The following MCPH1 variants were observed in gnomAD, a reference collection of about 807,000 sequenced individuals.
MCPH1 encodes microcephalin 1, also known as microcephalin.
MCPH1 carries 104 observed loss-of-function variants against 84.5 expected under a neutral mutation model. The ratio of observed to expected loss-of-function variants is 1.23; its 90% CI spans 1.05 to 1.45. The LOEUF is 1.45. MCPH1 is among the 40% of genes most tolerant of loss of function. The pLI, the probability that MCPH1 is intolerant of heterozygous loss-of-function variation, is 0.00. For missense variants in MCPH1, 1,498 were observed against 1,005.7 expected (o/e 1.49, Z -6.62); for synonymous variants, 514 against 366.8 (o/e 1.40, Z -4.58).
intron 5 of MCPH1, among the ~76,000 whole-genome samples, chr8:6,437,938 A>G (rs1802919014): frequency 6.6e-6 from 1 of 152,100 alleles, no homozygotes; most frequent in Non-Finnish European, 1.5e-5. Flanking sequence ...TGCAGTCACA[A>G]TGGTGAAAAC....
chr8:6,627,164 G>T lies in MCPH1; in HGVS notation c.2452+5473G>T, dbSNP rs551890968. The T allele has an allele frequency of 7.1e-6, 7 of 985,396 alleles. No homozygotes were observed. The African/African-American group carries it at 1.2e-4, about 17-fold the overall frequency. 61.0% of individuals were successfully genotyped at this position (985,396 alleles called of 1,614,324 possible). A position where few individuals can be genotyped will look rare whatever the true frequency, so the allele number is the denominator to read the frequency against. Reference sequence around the variant, plus strand: ...TGACTGACTGACCAGAAAAATGCACGACGCTCCCATGGGGCCACTCGGGAG... The same window carrying T: ...TGACTGACTGACCAGAAAAATGCACTACGCTCCCATGGGGCCACTCGGGAG... On this transcript the variant is annotated intron_variant, in intron 13 of 13. Coordinates refer to ENST00000344683, the MANE Select transcript of MCPH1 (RefSeq NM_024596.5).
At chr8:6,560,961 A>T (rs541956941) in intron 12 of MCPH1, among the ~76,000 whole-genome samples, 2 of 152,346 alleles carry the variant, frequency 1.3e-5, no homozygotes, top group South Asian at 4.1e-4. Flanking sequence ...GCAGATTAGA[A>T]TATTTACTGC....
intron 12 of MCPH1, among the ~76,000 whole-genome samples, chr8:6,566,533 G>T (rs1182822658): frequency 6.6e-6 from 1 of 151,968 alleles, no homozygotes; most frequent in African/African-American, 2.4e-5. Flanking sequence ...ACCACCTGTG[G>T]TCGGCATGGC....
At chr8:6,582,578 TAGTA>T (rs1399635852) in intron 12 of MCPH1, among the ~76,000 whole-genome samples, 1 of 152,214 alleles carries the variant, frequency 6.6e-6, no homozygotes, top group African/African-American at 2.4e-5. Context: ...TTGTATTTAA[TAGTA>T]AGATAAACAC....
At chr8:6,483,637 A>C (rs1809499998) in intron 11 of MCPH1, among the ~76,000 whole-genome samples, 1 of 152,208 alleles carries the variant, frequency 6.6e-6, no homozygotes, top group Non-Finnish European at 1.5e-5. Flanking sequence ...CTTTGGGTGG[A>C]TCACCTGAGG....
rs767345803 is a variant in MCPH1, at chr8:6,444,373, T to C, written c.671-20T>C. On this transcript the variant is annotated intron_variant, in intron 7 of 13. Coordinates refer to ENST00000344683, the MANE Select transcript of MCPH1 (RefSeq NM_024596.5). Reference sequence around the variant, plus strand: ...ATTTAAACCACTTTTAAAAGTTAGCTCTCCGTTAATGTTTTCCAGATGAAT... The same window carrying C: ...ATTTAAACCACTTTTAAAAGTTAGCCCTCCGTTAATGTTTTCCAGATGAAT... 1.2e-6 allele frequency: 2 copies of C among 1,613,832 alleles called. No individual in the cohort carries two copies. The highest frequency in any genetic ancestry group is 2.2e-5 in the East Asian group (1 of 44,862).
chr8:6,465,343 C>T (rs1806747136), intron 9 of MCPH1, among the ~76,000 whole-genome samples: 1 of 152,218 alleles, frequency 6.6e-6, no homozygotes, highest in Non-Finnish European at 1.5e-5. Context: ...GCAGCGGCCA[C>T]TTCCCGCGGA....
At chr8:6,428,337 C>T (rs1040213490) in intron 3 of MCPH1, among the ~76,000 whole-genome samples, 1 of 152,066 alleles carries the variant, frequency 6.6e-6, no homozygotes, top group African/African-American at 2.4e-5. Context: ...TGTCGCTAGG[C>T]GATAGGAATT....
At chr8:6,565,965 T>C (rs935726718) in intron 12 of MCPH1, among the ~76,000 whole-genome samples, 3 of 152,204 alleles carry the variant, frequency 2.0e-5, no homozygotes, top group African/African-American at 2.4e-5. Context: ...GAAGCTCTAG[T>C]AGAGCCGGAG....
chr8:6,554,700 A>G (rs1824282035), intron 12 of MCPH1, among the ~76,000 whole-genome samples: 1 of 152,222 alleles, frequency 6.6e-6, no homozygotes, highest in Non-Finnish European at 1.5e-5. Flanking sequence ...AGTTGCTCAG[A>G]GGGAGAACCA....
intron 12 of MCPH1, among the ~76,000 whole-genome samples, chr8:6,524,839 G>T (rs1161219149): frequency 6.6e-6 from 1 of 152,192 alleles, no homozygotes; most frequent in African/African-American, 2.4e-5. Flanking sequence ...AAGAGAAAAT[G>T]GAGACCCTGA....
At chr8:6,624,537 T>G (rs1252503233) in intron 13 of MCPH1, among the ~76,000 whole-genome samples, 2 of 152,244 alleles carry the variant, frequency 1.3e-5, no homozygotes, top group African/African-American at 4.8e-5. Context: ...ATTTATTGGC[T>G]TGTATTTTTC....
At chr8:6,587,286 C>A (rs1405405557) in intron 12 of MCPH1, among the ~76,000 whole-genome samples, 1 of 152,196 alleles carries the variant, frequency 6.6e-6, no homozygotes, top group African/African-American at 2.4e-5. Flanking sequence ...TGTTGAATTC[C>A]AACTGGGTGT....
intron 12 of MCPH1, among the ~76,000 whole-genome samples, chr8:6,549,666 G>T (rs1823266986): frequency 6.8e-6 from 1 of 146,590 alleles, no homozygotes; most frequent in Non-Finnish European, 1.5e-5. Context: ...GGAGCTGCCT[G>T]CAGGGGAAGA....
At chr8:6,480,175 G>A (rs1031611200) in intron 10 of MCPH1, among the ~76,000 whole-genome samples, 3 of 150,362 alleles carry the variant, frequency 2.0e-5, no homozygotes, top group Admixed American at 2.0e-4. Flanking sequence ...CCAGGCTGGA[G>A]TGCAGTGACA....
chr8:6,558,564 A>G (rs1189869122), intron 12 of MCPH1, among the ~76,000 whole-genome samples: 1 of 152,200 alleles, frequency 6.6e-6, no homozygotes, highest in Non-Finnish European at 1.5e-5. Flanking sequence ...AAACTTGTGG[A>G]TTACAACCTG....
intron 11 of MCPH1, among the ~76,000 whole-genome samples, chr8:6,486,834 T>C (rs73661781): frequency 0.012 from 1,761 of 152,296 alleles, 36 homozygotes; most frequent in African/African-American, 0.041. Flanking sequence ...ACTCACATTG[T>C]TTTGTTATGT....
intron 4 of MCPH1, among the ~76,000 whole-genome samples, chr8:6,433,947 C>T (rs908407525): frequency 6.6e-6 from 1 of 152,090 alleles, no homozygotes; most frequent in Non-Finnish European, 1.5e-5. Context: ...TATTTCAGAG[C>T]CATTGCGTTA....
chr8:6,624,940 A>C (rs917472294), intron 13 of MCPH1: 12 of 828,588 alleles, frequency 1.4e-5, no homozygotes, highest in Non-Finnish European at 1.6e-5. Flanking sequence ...CAGTGATGAG[A>C]TCTCAGCTCA....
Sources: gnomAD v4.1 joint callset for allele counts (sites outside exome capture counted in the v4.1 genomes callset) on GRCh38, gnomAD v4.1.1 for gene constraint, MANE v1.5 for transcripts, NCBI Gene and HGNC (gene_info 2026-07-23, HGNC 2026-07-21) for gene names.